The following TRHDE variants were observed in gnomAD, a reference collection of about 807,000 sequenced individuals.
TRHDE encodes the protein thyrotropin-releasing hormone-degrading ectoenzyme.
Under a neutral mutation model 125.7 loss-of-function variants are expected in TRHDE, and 72 were observed. The ratio of observed to expected loss-of-function variants is 0.57; its 90% confidence interval spans 0.47 to 0.70. The LOEUF is 0.70. Ranked by LOEUF, TRHDE falls within the 30% of genes least tolerant of loss-of-function variation. The pLI is 0.00. For missense variants in TRHDE, 1,110 were observed against 1,327.1 expected, an observed-to-expected ratio of 0.84 and a Z score of 2.54; for synonymous variants, 509 against 509.1, an observed-to-expected ratio of 1.00 and a Z score of 0.00.
intron 3 of TRHDE, among the ~76,000 whole-genome samples, chr12:72,440,425 T>C (rs1874949164): frequency 6.6e-6 from 1 of 152,080 alleles, no homozygotes; most frequent in East Asian, 1.9e-4. Context: ...AATTTTCACA[T>C]ACATATTTTT....
At chr12:72,218,128 G>A (rs1321609423) in intron 2 of TRHDE, among the ~76,000 whole-genome samples, 1 of 152,000 alleles carries the variant, frequency 6.6e-6, no homozygotes, top group African/African-American at 2.4e-5. Context: ...ACTAATGTGA[G>A]TTATAGATAA....
Position 72,142,783 on chromosome 12 carries a change from G to A in TRHDE, n.279+37031G>A, listed in dbSNP as rs1876145912. ...AAGAGAAGATGAGGAACATCTGGAC[G>A]CCAAGAGGAGTTCAGTAGGGGACAG... On this transcript the variant is annotated intron_variant and non_coding_transcript_variant, in intron 2 of 4. Transcript: ENST00000548156. Among the ~76,000 whole-genome samples, 4 of 152,112 alleles carry A rather than the reference G, an allele frequency of 2.6e-5. 1 individual carries two copies. The highest frequency in any genetic ancestry group is 4.2e-4 in the South Asian group (2 of 4,800).
At chr12:72,288,730 G>C (rs1879983886) in intron 2 of TRHDE, among the ~76,000 whole-genome samples, 1 of 152,036 alleles carries the variant, frequency 6.6e-6, no homozygotes, top group African/African-American at 2.4e-5. Context: ...AATTATGCTT[G>C]TTGCTAAGTG....
intron 3 of TRHDE, among the ~76,000 whole-genome samples, chr12:72,464,346 T>C (rs1400984071): frequency 5.9e-5 from 9 of 152,240 alleles, no homozygotes; most frequent in Non-Finnish European, 1.3e-4. Flanking sequence ...CTTATAATTC[T>C]GGAGGCTGAG....
chr12:72,374,933 A>C lies in TRHDE; in HGVS notation c.1189-3062A>C, dbSNP rs577352338. Reference sequence around the variant, plus strand: ...TGTTTTGGTTTGGCTGTTAACTGACATGTTCACCTTGGCTATACAGGAAAC... The same window carrying C: ...TGTTTTGGTTTGGCTGTTAACTGACCTGTTCACCTTGGCTATACAGGAAAC... On this transcript the variant is annotated intron_variant, in intron 2 of 18. Coordinates refer to ENST00000261180, the MANE Select transcript of TRHDE (RefSeq NM_013381.3). Among the ~76,000 whole-genome samples the C allele has an allele frequency of 3.3e-4, 51 of 152,326 alleles. No homozygotes were observed. The South Asian group carries it at 0.011, about 32-fold the overall frequency.
chr12:72,384,415 A>G (rs1230359490), intron 3 of TRHDE, among the ~76,000 whole-genome samples: 1 of 152,218 alleles, frequency 6.6e-6, no homozygotes, highest in Non-Finnish European at 1.5e-5. Flanking sequence ...AATGAATTAG[A>G]GACTCGCACA....
intron 2 of TRHDE, among the ~76,000 whole-genome samples, chr12:72,239,498 T>C (rs1253365814): frequency 6.6e-6 from 1 of 152,198 alleles, no homozygotes; most frequent in African/African-American, 2.4e-5. Context: ...CAGGTTTTCT[T>C]CTAGGATTCT....
At chr12:72,177,944 A>G (rs1592471296) in intron 2 of TRHDE, among the ~76,000 whole-genome samples, 2 of 152,142 alleles carry the variant, frequency 1.3e-5, no homozygotes, top group African/African-American at 4.8e-5. Context: ...ACATAAAATA[A>G]AGATATTTTT....
At chr12:72,430,412 T>TGCATATATATACATGTATATATATAC (rs1296771156) in intron 3 of TRHDE, among the ~76,000 whole-genome samples, 7 of 145,188 alleles carry the variant, frequency 4.8e-5, no homozygotes, top group Non-Finnish European at 9.0e-5. Flanking sequence ...TATATATATG[T>TGCATATATATACATGTATATATATAC]GCATATATAT....
chr12:72,090,895 C>A (rs1348071901), intron 1 of TRHDE, among the ~76,000 whole-genome samples: 4 of 151,620 alleles, frequency 2.6e-5, no homozygotes, highest in Non-Finnish European at 5.9e-5. Context: ...TACTCTGTCC[C>A]CAGGCTGAAT....
At chr12:72,541,771 G>A (rs1869160447) in intron 6 of TRHDE, among the ~76,000 whole-genome samples, 1 of 151,406 alleles carries the variant, frequency 6.6e-6, no homozygotes, top group South Asian at 2.1e-4. Flanking sequence ...TAAACATGGT[G>A]AGTAAGTAGC....
intron 2 of TRHDE, among the ~76,000 whole-genome samples, chr12:72,373,520 G>A (rs1002873436): frequency 5.3e-5 from 8 of 152,100 alleles, no homozygotes; most frequent in Non-Finnish European, 1.2e-4. Flanking sequence ...TTGCCCTCAT[G>A]CAATGTGCAT....
Position 72,285,550 on chromosome 12 carries a change from C to T in TRHDE, c.915-1131C>T, listed in dbSNP as rs1183385482. On this transcript the variant is annotated intron_variant, in intron 1 of 18. Transcript: ENST00000261180. ...TTTTTTTTTTTTTTTGAGACAGGGTCTCGCTCTGTCGCCAGGCTGGAGTGC... is the reference window on the plus strand; with the variant it reads ...TTTTTTTTTTTTTTTGAGACAGGGTTTCGCTCTGTCGCCAGGCTGGAGTGC... Among the ~76,000 whole-genome samples, 3 of 125,974 alleles carry T rather than the reference C, an allele frequency of 2.4e-5. No homozygotes were observed. The East Asian group carries it at 7.5e-4, about 32-fold the overall frequency. 82.6% of individuals were successfully genotyped at this position (125,974 alleles called of 152,430 possible).
chr12:72,402,524 C>G (rs1329982884), intron 3 of TRHDE, among the ~76,000 whole-genome samples: 1 of 152,170 alleles, frequency 6.6e-6, no homozygotes, highest in Non-Finnish European at 1.5e-5. Context: ...TGTCTTCCTA[C>G]TGCCTGGGTC....
chr12:72,186,919 T>G (rs1877228032), intron 2 of TRHDE, among the ~76,000 whole-genome samples: 2 of 152,096 alleles, frequency 1.3e-5, no homozygotes, highest in Admixed American at 6.5e-5. Context: ...GAGTCTGTGT[T>G]GCCAGCTTAT....
At chr12:72,341,250 A>T (rs1208287634) in intron 2 of TRHDE, among the ~76,000 whole-genome samples, 1 of 151,860 alleles carries the variant, frequency 6.6e-6, no homozygotes, top group African/African-American at 2.4e-5. Flanking sequence ...CATCATTTAC[A>T]TTAGGTATTT....
chr12:72,427,026 TA>T (rs1452402985), intron 3 of TRHDE, among the ~76,000 whole-genome samples: 2 of 152,126 alleles, frequency 1.3e-5, no homozygotes, highest in Non-Finnish European at 2.9e-5. Flanking sequence ...ATCTAGGTTC[TA>T]AAACAAATTC....
chr12:72,384,311 T>C (rs1349370160), intron 3 of TRHDE, among the ~76,000 whole-genome samples: 4 of 152,166 alleles, frequency 2.6e-5, no homozygotes, highest in Admixed American at 6.5e-5. Context: ...AGTGCTATGA[T>C]TGTAGAGGGA....
intron 3 of TRHDE, among the ~76,000 whole-genome samples, chr12:72,465,670 A>G (rs1876337590): frequency 6.6e-6 from 1 of 152,184 alleles, no homozygotes; most frequent in South Asian, 2.1e-4. Context: ...GCTTTTATGA[A>G]TATTTGTGTA....
Sources: gnomAD v4.1 joint callset for allele counts (sites outside exome capture counted in the v4.1 genomes callset) on GRCh38, gnomAD v4.1.1 for gene constraint, MANE v1.5 for transcripts, NCBI Gene and HGNC (gene_info 2026-07-23, HGNC 2026-07-21) for gene names.